VPS13C: variants seen among roughly 807,000 people sequenced by gnomAD.
VPS13C encodes intermembrane lipid transfer protein VPS13C.
Under a neutral mutation model 456.8 loss-of-function variants are expected in VPS13C, and 358 were observed. The ratio of observed to expected loss-of-function variants is 0.78; its 90% CI spans 0.72 to 0.86. The LOEUF (loss-of-function observed/expected upper bound fraction) is 0.86. Ranked by LOEUF, VPS13C falls within the 40% of genes least tolerant of loss-of-function variation. The probability of loss-of-function intolerance (pLI) is 0.00; values close to 1 mark genes in which losing one functional copy is unlikely to be tolerated. For missense variants in VPS13C, 4,818 were observed against 4,385.4 expected (o/e 1.10, Z -2.79); for synonymous variants, 1,578 against 1,486.7 (o/e 1.06, Z -1.41).
At chr15:61,988,865 G>A (rs929382957) in intron 18 of VPS13C, among the ~76,000 whole-genome samples, 1 of 152,048 alleles carries the variant, frequency 6.6e-6, no homozygotes. Flanking sequence ...GACAAAAACT[G>A]AATCTTAACC....
rs1404406239 is a variant in VPS13C, at chr15:61,913,322, T to C, written c.8539A>G (p.Met2847Val). Residue 2847 changes from methionine (M) to valine (V), a missense_variant, in exon 62 of 85, where the codon ATG (methionine) becomes GTG (valine). Around this residue, in one of 3 missense-constraint regions of VPS13C, gnomAD observed 4,552 missense variants for 4,130.6 expected, o/e 1.10. Coordinates refer to ENST00000644861, the MANE Select transcript of VPS13C (RefSeq NM_020821.3). Reference sequence around the variant, plus strand: ...AAGCAGAATCTTACCAGGTACTCCATATTGTTGGCAGGACACTTCACACAC... The same window carrying C: ...AAGCAGAATCTTACCAGGTACTCCACATTGTTGGCAGGACACTTCACACAC... ...YGCVKCPANN[M>V]EYLVGVSIKM... The C allele has an allele frequency of 3.1e-5, 50 of 1,613,864 alleles. No homozygotes were observed. The highest frequency in any genetic ancestry group is 4.2e-5 in the Non-Finnish European group (50 of 1,179,902).
chr15:62,041,224 TCTCACAC>T, intron 3 of VPS13C, 93 bp downstream of exon 3: 1 of 1,266,272 alleles, frequency 7.9e-7, no homozygotes, highest in Non-Finnish European at 1.1e-6. Context: ...AAAAAAAATC[TCTCACAC>T]TTTTAATCAA....
chr15:61,918,548 C>G lies in VPS13C; in HGVS notation c.7639-291G>C, dbSNP rs374306010. On this transcript the variant is annotated intron_variant, in intron 58 of 84. Coordinates refer to ENST00000644861, the MANE Select transcript of VPS13C (RefSeq NM_020821.3). ...ATGTATTATTCTCTGAAGATTTAAG[C>G]CATTTTTTCTCCATGACAATCTTTT... Among the ~76,000 whole-genome samples, 3 of 152,072 alleles carry G rather than the reference C, an allele frequency of 2.0e-5. No homozygotes were observed. In the East Asian group the frequency reaches 5.8e-4, roughly 29 times the overall value.
rs371135116 is a variant in VPS13C at position 61,905,248 on chromosome 15, C to T, written c.9105+2016G>A. 3.9e-5 allele frequency among the ~76,000 whole-genome samples: 6 copies of T among 152,232 alleles called. No homozygotes were observed. The South Asian group carries it at 1.2e-3, about 32-fold the overall frequency. ...CACAGGTATCCCCCAAAATGTACAACTATTATGTATGAATTTTTAAAAGGA... is the reference window on the plus strand; with the variant it reads ...CACAGGTATCCCCCAAAATGTACAATTATTATGTATGAATTTTTAAAAGGA... On this transcript the variant is annotated intron_variant, in intron 66 of 84. Coordinates refer to ENST00000644861, the MANE Select transcript of VPS13C (RefSeq NM_020821.3).
rs753422531 is a variant in VPS13C at position 62,028,354 on chromosome 15, C to A, written c.448+4G>T. On this transcript the variant is annotated splice_donor_region_variant and intron_variant, in intron 6 of 84. Transcript: ENST00000644861. ...GTTGAATATAATTAACCATGCATAC[C>A]CACCAGGCTTGATGTCCTTGTAAAC... The A allele has an allele frequency of 6.2e-7, 1 of 1,612,488 alleles. No homozygotes were observed. The highest frequency in any genetic ancestry group is 1.3e-5 in the African/African-American group (1 of 74,732).
intron 24 of VPS13C, 33 bp downstream of exon 24, chr15:61,977,049 G>A (rs1187537087): frequency 6.8e-7 from 1 of 1,462,060 alleles, no homozygotes; most frequent in Admixed American, 1.8e-5. Context: ...TTCACCTGTT[G>A]ATTTTCTAAT....
chr15:61,856,540 AAC>A, intron 82 of VPS13C, 131 bp from the exon 83 acceptor site: 1 of 1,052,270 alleles, frequency 9.5e-7, no homozygotes, highest in Non-Finnish European at 1.3e-6. Context: ...CTAAAAAAAA[AAC>A]CTGCTTCATT....
At chr15:61,987,243 G>A (rs1425799299) in intron 18 of VPS13C, among the ~76,000 whole-genome samples, 3 of 151,732 alleles carry the variant, frequency 2.0e-5, no homozygotes, top group African/African-American at 2.4e-5. Flanking sequence ...CAAGTCAGAG[G>A]TCTTACTTTA....
intron 16 of VPS13C, among the ~76,000 whole-genome samples, chr15:61,994,155 T>A (rs1192903120): frequency 1.3e-5 from 2 of 152,168 alleles, no homozygotes; most frequent in South Asian, 4.1e-4. Flanking sequence ...AGGCCCTATG[T>A]ACTTTCCATT....
At chr15:62,025,927 C>G (rs12903649) in intron 6 of VPS13C, among the ~76,000 whole-genome samples, 2 of 150,696 alleles carry the variant, frequency 1.3e-5, no homozygotes, top group Non-Finnish European at 1.5e-5. Flanking sequence ...TAATAACATA[C>G]AGTTATAAAA....
intron 9 of VPS13C, among the ~76,000 whole-genome samples, chr15:62,015,343 A>G (rs771945589): frequency 3.9e-5 from 6 of 152,204 alleles, no homozygotes; most frequent in South Asian, 4.1e-4. Flanking sequence ...TGCTGTGCAG[A>G]AGCTCTTGAG....
rs1488479762 is a variant in VPS13C at position 61,920,260 on chromosome 15, A to AT, written c.7283dup (p.Asn2428LysfsTer8). The AT allele has an allele frequency of 1.2e-6, 2 of 1,613,290 alleles. No homozygotes were observed. The highest frequency in any genetic ancestry group is 1.7e-6 in the Non-Finnish European group (2 of 1,179,526). On this transcript the variant is annotated frameshift_variant, in exon 57 of 85. Transcript: ENST00000644861. LOFTEE classifies it high-confidence loss of function. ...TCACCTTAATGGGAACACCTACAGC[A>AT]TTTTTTACCGTAAAAGGAGCTCTGT...
chr15:61,946,242 A>T lies in VPS13C; in HGVS notation c.4980+65T>A, dbSNP rs1384768581. 4.0e-6 allele frequency: 5 copies of T among 1,237,006 alleles called. No individual in the cohort carries two copies. The Admixed American group carries it at 1.1e-4, about 28-fold the overall frequency. The allele number at this position is 1,237,006 out of a possible 1,614,324, so 76.6% of individuals were successfully genotyped here. A position where few individuals can be genotyped will look rare whatever the true frequency, so the allele number is the denominator to read the frequency against. On this transcript the variant is annotated intron_variant, in intron 44 of 84. Transcript: ENST00000644861. ...ATAATAAATGTATACTGTGCAAATA[A>T]ATAATAGCATCTCAAATCCAAAAGG...
intron 66 of VPS13C, among the ~76,000 whole-genome samples, chr15:61,890,896 AATT>A (rs2042630515): frequency 6.6e-6 from 1 of 152,090 alleles, no homozygotes; most frequent in Admixed American, 6.5e-5. Flanking sequence ...AAAATACAAA[AATT>A]AGCCAGGCAT....
At chr15:61,967,506 A>C in intron 28 of VPS13C, 59 bp from the exon 29 acceptor site, 1 of 1,339,620 alleles carries the variant, frequency 7.5e-7, no homozygotes, top group Non-Finnish European at 1.0e-6. Flanking sequence ...TTGTAATTTG[A>C]AACATTTTAG....
chr15:61,864,500 T>G, intron 81 of VPS13C: 1 of 836,922 alleles, frequency 1.2e-6, no homozygotes, highest in Non-Finnish European at 1.4e-6. Flanking sequence ...ACTGAATAAA[T>G]AAGACCTTGA....
intron 48 of VPS13C, chr15:61,935,771 CA>C (rs1185079929): frequency 6.6e-6 from 1 of 152,120 alleles, no homozygotes; most frequent in African/African-American, 2.4e-5. Flanking sequence ...TGTGTGATTT[CA>C]AAACACACCT....
intron 66 of VPS13C, among the ~76,000 whole-genome samples, chr15:61,900,881 A>G (rs573222800): frequency 1.3e-5 from 2 of 151,580 alleles, no homozygotes; most frequent in Non-Finnish European, 3.0e-5. Flanking sequence ...TACAGTAACC[A>G]AAACAGCATG....
intron 22 of VPS13C, among the ~76,000 whole-genome samples, chr15:61,980,272 A>T (rs2045842068): frequency 6.6e-6 from 1 of 152,070 alleles, no homozygotes; most frequent in Non-Finnish European, 1.5e-5. Context: ...ATCACAATTA[A>T]AACAATGGTT....
Sources: allele counts gnomAD v4.1 joint callset (sites outside exome capture counted in the v4.1 genomes callset), GRCh38; gene constraint gnomAD v4.1.1; regional missense constraint gnomAD v4.1.1; transcripts MANE v1.5; gene names NCBI Gene and HGNC (gene_info 2026-07-23, HGNC 2026-07-21).